The following CD82 variants were observed in gnomAD, a reference collection of about 807,000 sequenced individuals.
CD82 encodes CD82 molecule.
In CD82, 36 loss-of-function variants were observed where a neutral mutation model predicts 37.4. That is an observed-to-expected ratio of 0.96 (90% CI 0.74 to 1.27). CD82 has a LOEUF of 1.27. Among genes scored for constraint, CD82 ranks in the 50% most tolerant of loss-of-function variants. The pLI is 0.00. For synonymous variants in CD82, 158 were observed against 137.4 expected, an observed-to-expected ratio of 1.15 and a Z score of -1.05; for missense variants, 340 against 347.0, an observed-to-expected ratio of 0.98 and a Z score of 0.16.
chr11:44,617,064 G>A (rs1298058446), intron 7 of CD82, among the ~76,000 whole-genome samples: 1 of 152,128 alleles, frequency 6.6e-6, no homozygotes, highest in Non-Finnish European at 1.5e-5. Flanking sequence ...CTGGCCACTG[G>A]CTACTGGTCA....
intron 3 of CD82, among the ~76,000 whole-genome samples, chr11:44,598,408 T>TTTTTTTTTTTTTG (rs1853259945): frequency 2.0e-5 from 2 of 100,686 alleles, no homozygotes; most frequent in African/African-American, 8.6e-5. Context: ...TAATTTTTTT[T>TTTTTTTTTTTTTG]TTTTTTTTTT....
chr11:44,590,054 C>T (rs923915680), intron 2 of CD82, among the ~76,000 whole-genome samples: 15 of 151,552 alleles, frequency 9.9e-5, no homozygotes, highest in Admixed American at 2.6e-4. Context: ...AGGATGGTCT[C>T]GATCTCCTCA....
chr11:44,614,869 G>A (rs189754640), intron 6 of CD82, among the ~76,000 whole-genome samples: 1 of 152,352 alleles, frequency 6.6e-6, no homozygotes, highest in East Asian at 1.9e-4. Context: ...CTGGCACAAA[G>A]ACAGCACAGA....
chr11:44,572,527 T>G (rs1852828427), intron 1 of CD82, among the ~76,000 whole-genome samples: 1 of 152,200 alleles, frequency 6.6e-6, no homozygotes, highest in South Asian at 2.1e-4. Context: ...GATGTTGGTT[T>G]GAAGTGAATA....
intron 6 of CD82, among the ~76,000 whole-genome samples, chr11:44,612,776 G>T (rs1335634076): frequency 6.6e-6 from 1 of 151,632 alleles, no homozygotes; most frequent in African/African-American, 2.4e-5. Flanking sequence ...GGGACTACAG[G>T]CACCTGCCAT....
In CD82 at chr11:44,612,739, T is replaced by A. The variant is rs553441940; in HGVS notation, c.337-2533T>A. 1.2e-4 allele frequency among the ~76,000 whole-genome samples: 18 copies of A among 148,822 alleles called. No individual in the cohort carries two copies. The South Asian group carries it at 1.3e-3, about 11-fold the overall frequency. ...CCTCCACCTCTCGGGTTCAAGCGAT[T>A]CTTCTGTCTCAGTCTCGCGAGTAGC... On this transcript the variant is annotated intron_variant, in intron 6 of 9. Coordinates refer to ENST00000227155, the MANE Select transcript of CD82 (RefSeq NM_002231.4).
rs544641924 is a variant in CD82, at chr11:44,592,771, G to A, written c.-20-1872G>A. On this transcript the variant is annotated intron_variant, in intron 2 of 9. Transcript: ENST00000227155. Reference sequence around the variant, plus strand: ...CCCAGGTTGCACTGCCCTGGCTCCCGAGTCACTGCCATCTCTGCAATTCTC... The same window carrying A: ...CCCAGGTTGCACTGCCCTGGCTCCCAAGTCACTGCCATCTCTGCAATTCTC... Among the ~76,000 whole-genome samples the A allele has an allele frequency of 2.6e-5, 4 of 152,258 alleles. No individual in the cohort carries two copies. In the East Asian group the frequency reaches 5.8e-4, roughly 22 times the overall value.
chr11:44,583,845 G>A (rs1055863483), intron 1 of CD82, among the ~76,000 whole-genome samples: 1 of 152,230 alleles, frequency 6.6e-6, no homozygotes, highest in Non-Finnish European at 1.5e-5. Flanking sequence ...CTGCTGGCCT[G>A]TGTTGCTCTT....
intron 7 of CD82, 76 bp downstream of exon 7, chr11:44,615,449 C>T (rs1853550514): frequency 1.1e-6 from 1 of 881,642 alleles, no homozygotes; most frequent in East Asian, 2.5e-5. Context: ...ACCCACATGT[C>T]TGGGACTGGC....
chr11:44,583,039 G>A (rs1431235915), intron 1 of CD82, among the ~76,000 whole-genome samples: 1 of 152,182 alleles, frequency 6.6e-6, no homozygotes, highest in African/African-American at 2.4e-5. Context: ...TTTCTTCTCT[G>A]GGCATCAGTC....
chr11:44,595,242 C>T lies in CD82; in HGVS notation c.63+517C>T, dbSNP rs191896165. ...CGTGGGGCCAGTGAAGGGCACATAC[C>T]TCCTTCCCCAGACCCACCCCAGCAG... On this transcript the variant is annotated intron_variant, in intron 3 of 9. Coordinates refer to ENST00000227155, the MANE Select transcript of CD82 (RefSeq NM_002231.4). Among the ~76,000 whole-genome samples the T allele has an allele frequency of 3.9e-5, 6 of 152,332 alleles. No individual in the cohort carries two copies. In the East Asian group the frequency reaches 1.2e-3, roughly 29 times the overall value.
intron 2 of CD82, among the ~76,000 whole-genome samples, chr11:44,593,033 T>C (rs7932712): frequency 0.65 from 98,567 of 152,074 alleles, 32,039 homozygotes; most frequent in Admixed American, 0.72. Flanking sequence ...ACAAAGCTGT[T>C]AGAGGAAAGA....
At chr11:44,594,534 C>A (rs1306843974) in intron 2 of CD82, 109 bp from the exon 3 acceptor site, 34 of 723,490 alleles carry the variant, frequency 4.7e-5, no homozygotes, top group Non-Finnish European at 1.5e-5. Flanking sequence ...CCTCTCTGGG[C>A]CTCTGCATCC....
At chr11:44,575,296 C>T (rs1481532236) in intron 1 of CD82, among the ~76,000 whole-genome samples, 1 of 152,250 alleles carries the variant, frequency 6.6e-6, no homozygotes, top group African/African-American at 2.4e-5. Flanking sequence ...CCTGTGGTGT[C>T]ATTAACTAAT....
intron 1 of CD82, among the ~76,000 whole-genome samples, chr11:44,579,298 G>A (rs1852946135): frequency 6.6e-6 from 1 of 152,076 alleles, no homozygotes; most frequent in African/African-American, 2.4e-5. Flanking sequence ...GGTCACAGGG[G>A]AGGCAGGACA....
intron 1 of CD82, among the ~76,000 whole-genome samples, chr11:44,580,966 G>T (rs979548365): frequency 2.0e-5 from 3 of 152,122 alleles, no homozygotes; most frequent in Non-Finnish European, 4.4e-5. Context: ...GCCATGTGGG[G>T]TCCCTGATTA....
chr11:44,616,952 T>C (rs997774686), intron 7 of CD82, among the ~76,000 whole-genome samples: 1 of 152,132 alleles, frequency 6.6e-6, no homozygotes, highest in African/African-American at 2.4e-5. Context: ...AGCCTTTTCT[T>C]GGAGAGAGGA....
At chr11:44,592,246 C>T (rs1853156190) in intron 2 of CD82, among the ~76,000 whole-genome samples, 1 of 152,248 alleles carries the variant, frequency 6.6e-6, no homozygotes, top group Admixed American at 6.5e-5. Context: ...CACCGTGGAT[C>T]TGACTCAGGG....
chr11:44,593,831 C>A (rs1853180218), intron 2 of CD82, among the ~76,000 whole-genome samples: 1 of 151,884 alleles, frequency 6.6e-6, no homozygotes, highest in Non-Finnish European at 1.5e-5. Flanking sequence ...ACTCTGTGAG[C>A]CCCCAAATGT....
Sources: allele counts gnomAD v4.1 joint callset (sites outside exome capture counted in the v4.1 genomes callset), GRCh38; gene constraint gnomAD v4.1.1; transcripts MANE v1.5; gene names NCBI Gene and HGNC (gene_info 2026-07-23, HGNC 2026-07-21).